Variants in TARP observed in about 807,000 individuals in gnomAD.
the TARP span, among the ~76,000 whole-genome samples, chr7:38,269,917 C>G: frequency 6.6e-6 from 1 of 151,920 alleles, no homozygotes; most frequent in African/African-American, 2.4e-5. Context: ...CTGGGCAACA[C>G]AGTGAGACCC....
chr7:38,272,540 A>C, the TARP span, among the ~76,000 whole-genome samples: 1 of 144,730 alleles, frequency 6.9e-6, no homozygotes, highest in East Asian at 2.0e-4. Flanking sequence ...AACAAAAAGC[A>C]GAGAAAAATG....
chr7:38,273,437 T>C, the TARP span: 1 of 627,320 alleles, frequency 1.6e-6, no homozygotes, highest in East Asian at 2.8e-5. Context: ...GGAAAAGTTC[T>C]GACTCCTAAG....
At chr7:38,268,960 G>T in the TARP span, among the ~76,000 whole-genome samples, 1 of 150,066 alleles carries the variant, frequency 6.7e-6, no homozygotes, top group Non-Finnish European at 1.5e-5. Flanking sequence ...TTCACACTAT[G>T]TTGTGCAATT....
At chr7:38,260,200 G>A in the TARP span, 1 of 1,595,846 alleles carries the variant, frequency 6.3e-7, no homozygotes, top group Non-Finnish European at 8.5e-7. Flanking sequence ...GTAATATGCA[G>A]AGGTGTTTGT....
At chr7:38,271,288 A>C in the TARP span, among the ~76,000 whole-genome samples, 1 of 151,562 alleles carries the variant, frequency 6.6e-6, no homozygotes, top group Admixed American at 6.6e-5. Context: ...CTATGTTTGC[A>C]AATCCTAGCT....
the TARP span, among the ~76,000 whole-genome samples, chr7:38,271,908 G>T: frequency 6.6e-6 from 1 of 151,096 alleles, no homozygotes; most frequent in Non-Finnish European, 1.5e-5. Context: ...GTATGAACCA[G>T]GTAAGAAATT....
the TARP span, among the ~76,000 whole-genome samples, chr7:38,263,115 G>A: frequency 6.6e-6 from 1 of 151,554 alleles, no homozygotes; most frequent in Non-Finnish European, 1.5e-5. Context: ...TTTTCTGGAG[G>A]TATAGTGTTT....
At chr7:38,267,463 A>T in the TARP span, among the ~76,000 whole-genome samples, 1 of 151,696 alleles carries the variant, frequency 6.6e-6, no homozygotes, top group Non-Finnish European at 1.5e-5. Context: ...AATTTCTAAG[A>T]AAATAAGAAT....
At chr7:38,273,610 G>A in the TARP span, 1 of 1,597,686 alleles carries the variant, frequency 6.3e-7, no homozygotes, top group Non-Finnish European at 8.5e-7. Flanking sequence ...CTTTGTTCCG[G>A]GACCAAATAC....
the TARP span, among the ~76,000 whole-genome samples, chr7:38,271,909 G>A: frequency 5.0e-4 from 75 of 151,304 alleles, no homozygotes; most frequent in Non-Finnish European, 9.4e-4. Flanking sequence ...TATGAACCAG[G>A]TAAGAAATTA....
the TARP span, among the ~76,000 whole-genome samples, chr7:38,260,517 A>G: frequency 6.7e-6 from 1 of 149,726 alleles, no homozygotes; most frequent in African/African-American, 2.5e-5. Context: ...AGATTTGCTG[A>G]TGTGTTAGGT....
chr7:38,261,993 T>C, the TARP span, among the ~76,000 whole-genome samples: 2 of 151,602 alleles, frequency 1.3e-5, no homozygotes, highest in Non-Finnish European at 2.9e-5. Context: ...AGTCATCTCA[T>C]ACCCCAAAGC....
chr7:38,262,116 C>A, the TARP span: 2 of 1,471,908 alleles, frequency 1.4e-6, no homozygotes, highest in Non-Finnish European at 1.9e-6. Flanking sequence ...ATTTTTCAAG[C>A]CAGAGAAGTT....
At chr7:38,260,663 T>C in the TARP span, among the ~76,000 whole-genome samples, 1 of 151,684 alleles carries the variant, frequency 6.6e-6, no homozygotes, top group Non-Finnish European at 1.5e-5. Context: ...ACAGTGGGGG[T>C]GGACCACTAG....
chr7:38,264,014 T>C, the TARP span, among the ~76,000 whole-genome samples: 4 of 152,084 alleles, frequency 2.6e-5, no homozygotes, highest in South Asian at 2.1e-4. Context: ...CATGCATTGA[T>C]TGAGGTAAAA....
At chr7:38,266,513 G>C in the TARP span, among the ~76,000 whole-genome samples, 1 of 151,886 alleles carries the variant, frequency 6.6e-6, no homozygotes, top group Non-Finnish European at 1.5e-5. Flanking sequence ...TATTGACCAG[G>C]CTGGTTTAAA....
At chr7:38,272,748 C>T in the TARP span, among the ~76,000 whole-genome samples, 1 of 150,104 alleles carries the variant, frequency 6.7e-6, no homozygotes, top group Non-Finnish European at 1.5e-5. Flanking sequence ...AAACAAAGTC[C>T]ATACCTTTTC....
the TARP span, among the ~76,000 whole-genome samples, chr7:38,271,666 C>A: frequency 6.6e-6 from 1 of 151,062 alleles, no homozygotes; most frequent in East Asian, 1.9e-4. Context: ...AAAAATATAT[C>A]CTTTTATTTT....
At chr7:38,264,515 CG>C in the TARP span, among the ~76,000 whole-genome samples, 1 of 150,576 alleles carries the variant, frequency 6.6e-6, no homozygotes, top group African/African-American at 2.5e-5. Context: ...CACTTGAACC[CG>C]GGAGGTGGAG....
Sources: gnomAD v4.1 joint callset for allele counts (sites outside exome capture counted in the v4.1 genomes callset) on GRCh38, gnomAD v4.1.1 for gene constraint, MANE v1.5 for transcripts.